Variants in ICA1L observed in about 807,000 individuals in gnomAD.
ICA1L encodes the protein islet cell autoantigen 1 like.
Under a neutral mutation model 61.3 loss-of-function variants are expected in ICA1L, and 50 were observed. The observed-to-expected ratio is 0.82, with a 90% CI of 0.65 to 1.03. The LOEUF (loss-of-function observed/expected upper bound fraction) is 1.03. ICA1L is among the 50% of genes least tolerant of loss of function. ICA1L has a pLI of 0.00. For missense variants in ICA1L, 508 were observed against 556.7 expected, an observed-to-expected ratio of 0.91 and a Z score of 0.88; for synonymous variants, 161 against 191.3, an observed-to-expected ratio of 0.84 and a Z score of 1.31.
rs1166129502 is a variant in ICA1L at position 202,776,587 on chromosome 2, T to C, written c.*2946A>G. On this transcript the variant is annotated 3_prime_UTR_variant, in exon 13 of 13. Coordinates refer to ENST00000358299, the MANE Select transcript of ICA1L (RefSeq NM_001288622.3). Reference sequence around the variant, plus strand: ...TATTGGTTTAATAGAGCAAAATTTCTTTCTGACCACAAAAACTGCTGAGCT... The same window carrying C: ...TATTGGTTTAATAGAGCAAAATTTCCTTCTGACCACAAAAACTGCTGAGCT... The C allele has an allele frequency of 6.6e-6, 1 of 152,228 alleles. No individual in the cohort carries two copies. The highest frequency in any genetic ancestry group is 1.5e-5 in the Non-Finnish European group (1 of 68,044). 9.4% of individuals were successfully genotyped at this position (152,228 alleles called of 1,614,324 possible).
intron 1 of ICA1L, chr2:202,840,880 G>A (rs570174541): frequency 2.6e-4 from 174 of 659,264 alleles, no homozygotes; most frequent in Non-Finnish European, 4.6e-4. Context: ...TTTGCATGCC[G>A]CAGGTCATCC....
intron 1 of ICA1L, among the ~76,000 whole-genome samples, chr2:202,857,863 GA>G (rs1355927242): frequency 1.3e-5 from 2 of 151,910 alleles, no homozygotes; most frequent in Admixed American, 6.6e-5. Context: ...GAAACATACG[GA>G]AAAAAAACTC....
Position 202,788,842 on chromosome 2 carries a change from C to CA in ICA1L, c.1230dup (p.Gly411TrpfsTer20). On this transcript the variant is annotated frameshift_variant, in exon 11 of 13. Transcript: ENST00000358299. LOFTEE classifies it high-confidence loss of function. ...CATAGACACTTACTGTTGAACGCTCCAGCCACATGAAAGCCAAGGTCAAAG... is the reference window on the plus strand; with the variant it reads ...CATAGACACTTACTGTTGAACGCTCCAAGCCACATGAAAGCCAAGGTCAAAG... 1 of 1,614,000 alleles carries CA rather than the reference C, an allele frequency of 6.2e-7. No individual in the cohort carries two copies. The highest frequency in any genetic ancestry group is 8.5e-7 in the Non-Finnish European group (1 of 1,179,986).
chr2:202,828,483 T>C (rs902147689), intron 2 of ICA1L, among the ~76,000 whole-genome samples: 1 of 152,220 alleles, frequency 6.6e-6, no homozygotes, highest in African/African-American at 2.4e-5. Flanking sequence ...ATTTTAATTA[T>C]TTCAGTGAGG....
intron 1 of ICA1L, among the ~76,000 whole-genome samples, chr2:202,867,670 A>G (rs373043704): frequency 1.3e-5 from 2 of 152,352 alleles, no homozygotes; most frequent in African/African-American, 4.8e-5. Flanking sequence ...TTAAAACCAC[A>G]AAGAGATATC....
intron 1 of ICA1L, among the ~76,000 whole-genome samples, chr2:202,847,868 G>GAT (rs895496619): frequency 1.3e-4 from 19 of 151,882 alleles, no homozygotes; most frequent in Non-Finnish European, 2.5e-4. Flanking sequence ...AAGAAAATGT[G>GAT]ATACATATAC....
intron 11 of ICA1L, 146 bp downstream of exon 11, chr2:202,788,684 C>G (rs1692660265): frequency 2.5e-6 from 2 of 789,048 alleles, no homozygotes; most frequent in Non-Finnish European, 4.1e-6. Flanking sequence ...AATATTTTTC[C>G]AGTTGATTGG....
intron 1 of ICA1L, among the ~76,000 whole-genome samples, chr2:202,845,261 T>G (rs1255248802): frequency 6.6e-6 from 1 of 152,200 alleles, no homozygotes; most frequent in African/African-American, 2.4e-5. Flanking sequence ...TGGAAGGCCA[T>G]TATTCTACTA....
At position 202,776,069 on chromosome 2, in the gene ICA1L, T is replaced by A. The variant is rs2105809032; in HGVS notation, c.*3464A>T. On this transcript the variant is annotated 3_prime_UTR_variant, in exon 13 of 13. Transcript: ENST00000358299. The stretch of plus-strand genomic sequence containing the variant: ...TTCTAATGCTGTAAGACCTCTACAT[T>A]TCTAGATGGTCTATACAGATACGTG... 1 of 152,350 alleles carries A rather than the reference T, an allele frequency of 6.6e-6. No homozygotes were observed. The highest frequency in any genetic ancestry group is 1.9e-4 in the East Asian group (1 of 5,192). The allele number at this position is 152,350 out of a possible 1,614,324, so 9.4% of individuals were successfully genotyped here. A position where few individuals can be genotyped will look rare whatever the true frequency, so the allele number is the denominator to read the frequency against.
chr2:202,774,375 C>T lies in ICA1L; in HGVS notation c.*5158G>A, dbSNP rs1438878750. ...GCTCCGCTCAGCGTGGTCTGGCAGCCGGAGACCAGGCCTCACTGCGCCTCC... is the reference window on the plus strand; with the variant it reads ...GCTCCGCTCAGCGTGGTCTGGCAGCTGGAGACCAGGCCTCACTGCGCCTCC... On this transcript the variant is annotated 3_prime_UTR_variant, in exon 13 of 13. Transcript: ENST00000358299. 4.7e-6 allele frequency: 6 copies of T among 1,289,786 alleles called. No homozygotes were observed. Among genetic ancestry groups the T allele is most frequent in the Non-Finnish European group, 6.0e-6 (6 of 1,007,202 alleles). The allele number at this position is 1,289,786 out of a possible 1,614,324, so 79.9% of individuals were successfully genotyped here.
At chr2:202,794,090 T>G (rs918460942) in intron 10 of ICA1L, among the ~76,000 whole-genome samples, 1 of 151,918 alleles carries the variant, frequency 6.6e-6, no homozygotes, top group African/African-American at 2.4e-5. Context: ...TGATATAGTA[T>G]CAGGAAACCT....
At chr2:202,840,481 G>T in intron 1 of ICA1L, 1 of 515,224 alleles carries the variant, frequency 1.9e-6, no homozygotes, top group Admixed American at 2.1e-5. Flanking sequence ...CATAGCTGAG[G>T]CTGGGGCTTG....
At chr2:202,839,587 TG>T (rs1416454682) in intron 1 of ICA1L, among the ~76,000 whole-genome samples, 55 of 146,980 alleles carry the variant, frequency 3.7e-4, no homozygotes, top group African/African-American at 1.3e-3. Context: ...TGTGTGTGTG[TG>T]TGTGTGTGTG....
intron 10 of ICA1L, 62 bp from the exon 11 acceptor site, chr2:202,789,149 T>G (rs567586520): frequency 4.4e-5 from 58 of 1,318,542 alleles, no homozygotes; most frequent in Middle Eastern, 2.3e-4. Flanking sequence ...AGTAAGACCA[T>G]AGGATGAATC....
At chr2:202,850,746 C>T (rs896795982) in intron 1 of ICA1L, among the ~76,000 whole-genome samples, 30 of 152,146 alleles carry the variant, frequency 2.0e-4, no homozygotes, top group Non-Finnish European at 4.4e-5. Flanking sequence ...CTTCCCCAAC[C>T]TAGCAAGAAA....
chr2:202,836,820 TATAGATATAGATAC>T (rs1265000421), intron 1 of ICA1L, among the ~76,000 whole-genome samples: 2 of 148,858 alleles, frequency 1.3e-5, no homozygotes, highest in Non-Finnish European at 3.0e-5. Context: ...TATATAGATA[TATAGATATAGATAC>T]AGATATATAG....
intron 6 of ICA1L, among the ~76,000 whole-genome samples, chr2:202,816,380 T>C (rs968430473): frequency 2.0e-5 from 3 of 152,206 alleles, no homozygotes; most frequent in Admixed American, 6.5e-5. Flanking sequence ...ATATGTGTAA[T>C]CTTTATGTTG....
At position 202,849,554 on chromosome 2, in the gene ICA1L, T is replaced by C. The variant is rs1361357804; in HGVS notation, c.-7-20538A>G. Among the ~76,000 whole-genome samples, 3 of 152,166 alleles carry C rather than the reference T, an allele frequency of 2.0e-5. No individual in the cohort carries two copies. Among genetic ancestry groups the C allele is most frequent in the Non-Finnish European group, 1.5e-5 (1 of 68,018 alleles). Reference sequence around the variant, plus strand: ...CAGAACTCACCACAGTGCGGGAAAGTGGCTATGGCCAGACTGCCTCTCTAG... The same window carrying C: ...CAGAACTCACCACAGTGCGGGAAAGCGGCTATGGCCAGACTGCCTCTCTAG... On this transcript the variant is annotated intron_variant, in intron 1 of 12. Transcript: ENST00000358299. This position sits in a 1 kb window ranked among gnomAD's most constrained non-coding sequence, Gnocchi z 4.5.
chr2:202,792,833 A>G (rs1692797615), intron 10 of ICA1L, among the ~76,000 whole-genome samples: 1 of 152,088 alleles, frequency 6.6e-6, no homozygotes, highest in Non-Finnish European at 1.5e-5. Flanking sequence ...ATAATAAACT[A>G]CTGATATATA....
Sources: gnomAD v4.1 joint callset for allele counts (sites outside exome capture counted in the v4.1 genomes callset) on GRCh38, gnomAD v4.1.1 for gene constraint, Gnocchi (gnomAD v3.1) non-coding constraint, MANE v1.5 for transcripts, NCBI Gene and HGNC (gene_info 2026-07-23, HGNC 2026-07-21) for gene names.